SH3GL3: variants seen among roughly 807,000 people sequenced by gnomAD.
The protein encoded by SH3GL3 is endophilin-A3.
SH3GL3 carries 33 observed loss-of-function variants against 47.7 expected under a neutral mutation model. The ratio of observed to expected loss-of-function variants is 0.69; its 90% CI spans 0.52 to 0.92. The LOEUF is 0.92. SH3GL3 is among the 40% of genes least tolerant of loss of function. The pLI is 0.00. For synonymous variants in SH3GL3, 155 were observed against 148.8 expected, an observed-to-expected ratio of 1.04 and a Z score of -0.30; for missense variants, 363 against 417.8, an observed-to-expected ratio of 0.87 and a Z score of 1.14.
chr15:83,466,228 G>C (rs1226707932), intron 1 of SH3GL3, among the ~76,000 whole-genome samples: 1 of 152,056 alleles, frequency 6.6e-6, no homozygotes. Context: ...TTTTATTGCT[G>C]AGTAGTAATC....
At chr15:83,450,804 A>T (rs113148894) in intron 1 of SH3GL3, among the ~76,000 whole-genome samples, 219 of 58,556 alleles carry the variant, frequency 3.7e-3, no homozygotes, top group South Asian at 4.6e-3. Flanking sequence ...TTTTTTTTTA[A>T]TTTTTTTTTT....
At chr15:83,579,569 T>G (rs2059777407) in intron 6 of SH3GL3, among the ~76,000 whole-genome samples, 2 of 152,144 alleles carry the variant, frequency 1.3e-5, no homozygotes, top group African/African-American at 2.4e-5. Flanking sequence ...GGCTGCTGCT[T>G]CTTGCGGTAA....
chr15:83,499,835 A>C (rs903341733), intron 1 of SH3GL3, among the ~76,000 whole-genome samples: 1 of 152,214 alleles, frequency 6.6e-6, no homozygotes, highest in Non-Finnish European at 1.5e-5. Flanking sequence ...ATACACAACA[A>C]TTACACAGTA....
Sources: gnomAD v4.1 joint callset for allele counts (sites outside exome capture counted in the v4.1 genomes callset) on GRCh38, gnomAD v4.1.1 for gene constraint, MANE v1.5 for transcripts, NCBI Gene and HGNC (gene_info 2026-07-23, HGNC 2026-07-21) for gene names.